The following C18orf63 variants were observed in gnomAD, a reference collection of about 807,000 sequenced individuals.
The protein encoded by C18orf63 is uncharacterized protein C18orf63.
A neutral mutation model predicts 75.3 loss-of-function variants in C18orf63; 50 were observed. The observed-to-expected ratio is 0.66, with a 90% CI of 0.53 to 0.84. C18orf63 has a LOEUF of 0.84. C18orf63 is among the 40% of genes least tolerant of loss of function. C18orf63 has a pLI of 0.00. For missense variants in C18orf63, 732 were observed against 800.2 expected (o/e 0.91, Z 1.03); for synonymous variants, 232 against 267.6 (o/e 0.87, Z 1.30).
chr18:74,354,666 A>G (rs1284247242), intron 13 of C18orf63, 120 bp downstream of exon 13: 2 of 585,552 alleles, frequency 3.4e-6, no homozygotes, highest in Non-Finnish European at 6.0e-6. Flanking sequence ...AAACCGTAAA[A>G]TCAGCAAAGA....
chr18:74,338,757 C>T lies in C18orf63; in HGVS notation c.544C>T (p.His182Tyr), dbSNP rs1053905256. ...EISQSIIKDF[H>Y]ANKHAVIERH... ...TTCCCAGAGTATTATAAAGGATTTT[C>T]ATGCTAACAAGCATGCTGTCATTGA... The change falls in exon 8 of 14, where the codon CAT (histidine) becomes TAT (tyrosine). Residue 182 changes from histidine (H) to tyrosine (Y), a missense_variant. His to Tyr is a moderately conservative substitution (Grantham distance 83). Coordinates refer to ENST00000579455, the MANE Select transcript of C18orf63 (RefSeq NM_001174123.2). 1.4e-6 allele frequency: 2 copies of T among 1,416,750 alleles called. No homozygotes were observed. Among genetic ancestry groups the T allele is most frequent in the Non-Finnish European group, 9.3e-7 (1 of 1,073,822 alleles). The allele number at this position is 1,416,750 out of a possible 1,614,324, so 87.8% of individuals were successfully genotyped here.
Position 74,354,003 on chromosome 18 carries a change from A to T in C18orf63, c.1736A>T (p.Gln579Leu). 1 of 1,536,512 alleles carries T rather than the reference A, an allele frequency of 6.5e-7. No homozygotes were observed. The highest frequency in any genetic ancestry group is 8.7e-7 in the Non-Finnish European group (1 of 1,146,978). ...KENLTGKGIT[Q>L]ILGKSHGSLK... is the part of the protein sequence containing the mutation. ...AATTTAACAGGCAAAGGTATAACACAAATTTTAGGGAAAAGCCATGGGTCA... is the reference window on the plus strand; with the variant it reads ...AATTTAACAGGCAAAGGTATAACACTAATTTTAGGGAAAAGCCATGGGTCA... The change falls in exon 12 of 14, where the codon CAA becomes CTA. Residue 579 changes from glutamine to leucine, a missense_variant. Physicochemically the swap from Gln to Leu is moderately radical, Grantham distance 113. Transcript: ENST00000579455.
intron 11 of C18orf63, among the ~76,000 whole-genome samples, chr18:74,345,421 G>A (rs1984558296): frequency 1.3e-5 from 2 of 151,724 alleles, no homozygotes; most frequent in Non-Finnish European, 2.9e-5. Flanking sequence ...CTTTATGGTT[G>A]CTACTTTTTG....
intron 4 of C18orf63, 56 bp downstream of exon 4, chr18:74,322,810 C>G (rs1984146556): frequency 3.3e-6 from 2 of 604,016 alleles, no homozygotes; most frequent in Non-Finnish European, 5.1e-6. Flanking sequence ...ATTATACGTT[C>G]CACTCCTTTT....
chr18:74,327,605 C>A (rs926684623), intron 4 of C18orf63, among the ~76,000 whole-genome samples: 4 of 152,252 alleles, frequency 2.6e-5, no homozygotes, highest in Admixed American at 2.6e-4. Flanking sequence ...AGAACGATTA[C>A]AAGTTTGTCC....
At chr18:74,331,203 G>A (rs190162187) in intron 7 of C18orf63, among the ~76,000 whole-genome samples, 3 of 152,098 alleles carry the variant, frequency 2.0e-5, no homozygotes, top group African/African-American at 7.2e-5. Flanking sequence ...GATGGTATCC[G>A]AGACTCTCCA....
In C18orf63 at chr18:74,356,992, A is replaced by C. The variant is rs990559497; in HGVS notation, c.*545A>C. On this transcript the variant is annotated 3_prime_UTR_variant, in exon 14 of 14. Transcript: ENST00000579455. ...CCAAAGTGTATATATTTCTAACATA[A>C]GATATAGTATATTTTTTAAGAAAAA... 6.6e-6 allele frequency: 1 copy of C among 152,178 alleles called. No homozygotes were observed. The highest frequency in any genetic ancestry group is 1.5e-5 in the Non-Finnish European group (1 of 68,036). The allele number at this position is 152,178 out of a possible 1,614,324, so 9.4% of individuals were successfully genotyped here.
chr18:74,345,049 C>T (rs1039663331), intron 11 of C18orf63, among the ~76,000 whole-genome samples: 2 of 152,040 alleles, frequency 1.3e-5, no homozygotes, highest in African/African-American at 4.8e-5. Context: ...CATCCTTGCC[C>T]ATTTTTGGTA....
chr18:74,349,091 T>G (rs955578675), intron 11 of C18orf63, among the ~76,000 whole-genome samples: 2 of 152,214 alleles, frequency 1.3e-5, no homozygotes, highest in African/African-American at 4.8e-5. Flanking sequence ...TTATCTCAAG[T>G]AGTAGATATG....
intron 8 of C18orf63, 100 bp downstream of exon 8, chr18:74,338,924 T>C (rs1004802447): frequency 2.4e-6 from 1 of 419,830 alleles, no homozygotes; most frequent in East Asian, 3.6e-5. Context: ...ATAAACTATT[T>C]TGGTGAATTT....
chr18:74,336,992 C>T (rs1053277514), intron 7 of C18orf63, among the ~76,000 whole-genome samples: 2 of 152,012 alleles, frequency 1.3e-5, no homozygotes, highest in African/African-American at 4.8e-5. Context: ...TTAAACCAGT[C>T]TCCATATGGG....
intron 10 of C18orf63, 33 bp from the exon 11 acceptor site, chr18:74,343,486 T>C: frequency 7.1e-7 from 1 of 1,412,948 alleles, no homozygotes; most frequent in Non-Finnish European, 9.3e-7. Flanking sequence ...TCTTATGTAA[T>C]AAAATCAGAC....
At position 74,341,270 on chromosome 18, in the gene C18orf63, C is replaced by CAAA. The variant is rs58362707; in HGVS notation, c.612-731_612-729dup. On this transcript the variant is annotated intron_variant, in intron 8 of 13. Transcript: ENST00000579455. ...TGGGCGACAGAGCGAGACTCCGTCT[C>CAAA]AAAAAAAAAAAAAAAAAAAAAAAAA... Among the ~76,000 whole-genome samples, 518 of 59,024 alleles carry CAAA rather than the reference C, an allele frequency of 8.8e-3. 77 individuals carry two copies. The highest frequency in any genetic ancestry group is 0.011 in the Non-Finnish European group (406 of 35,504). The allele number at this position is 59,024 out of a possible 152,430, so 38.7% of individuals were successfully genotyped here. A position where few individuals can be genotyped will look rare whatever the true frequency, so the allele number is the denominator to read the frequency against.
rs1487187524 is a variant in C18orf63 at position 74,354,075 on chromosome 18, C to T, written c.1808C>T (p.Thr603Ile). 6.5e-7 allele frequency: 1 copy of T among 1,536,152 alleles called. No homozygotes were observed. The highest frequency in any genetic ancestry group is 8.7e-7 in the Non-Finnish European group (1 of 1,146,896). The stretch of plus-strand genomic sequence containing the variant: ...CACATTTTTGAATCAGATGGAGAAA[C>T]CGAAGATCCACGACTGCTACAGCAG... The part of the protein sequence containing the change: ...QPHIFESDGE[T>I]EDPRLLQQQS... The change falls in exon 12 of 14, where the codon ACC (threonine) becomes ATC (isoleucine). Residue 603 changes from threonine to isoleucine, a missense_variant. Physicochemically the swap from Thr to Ile is moderately conservative, Grantham distance 89. Transcript: ENST00000579455.
intron 5 of C18orf63, 145 bp downstream of exon 5, chr18:74,328,203 A>C (rs1984241511): frequency 1.7e-6 from 1 of 584,082 alleles, no homozygotes; most frequent in Admixed American, 2.9e-5. Context: ...TCACAGTTCC[A>C]CATGGCTGGA....
Position 74,343,705 on chromosome 18 carries a change from A to C in C18orf63, c.978+3A>C. 1 of 1,495,148 alleles carries C rather than the reference A, an allele frequency of 6.7e-7. No homozygotes were observed. The highest frequency in any genetic ancestry group is 8.9e-7 in the Non-Finnish European group (1 of 1,123,860). 92.6% of individuals were successfully genotyped at this position (1,495,148 alleles called of 1,614,324 possible). A position where few individuals can be genotyped will look rare whatever the true frequency, so the allele number is the denominator to read the frequency against. On this transcript the variant is annotated splice_donor_region_variant and intron_variant, in intron 11 of 13. Transcript: ENST00000579455. Reference sequence around the variant, plus strand: ...AACTAACTAAACCTAATATACAGGTAAGAGATCTCTTGTCCTATCTAGTTC... The same window carrying C: ...AACTAACTAAACCTAATATACAGGTCAGAGATCTCTTGTCCTATCTAGTTC...
intron 3 of C18orf63, 50 bp downstream of exon 3, chr18:74,320,641 T>C: frequency 1.8e-6 from 2 of 1,086,610 alleles, no homozygotes; most frequent in East Asian, 2.6e-5. Flanking sequence ...GAGAACAATA[T>C]TGATAAATAA....
intron 8 of C18orf63, among the ~76,000 whole-genome samples, chr18:74,340,742 A>G (rs1408753595): frequency 6.6e-6 from 1 of 151,934 alleles, no homozygotes; most frequent in Non-Finnish European, 1.5e-5. Flanking sequence ...TAAATGAAAT[A>G]AGCCAGGCAC....
chr18:74,330,291 C>A (rs1204884502), intron 6 of C18orf63, among the ~76,000 whole-genome samples: 1 of 152,164 alleles, frequency 6.6e-6, no homozygotes, highest in Non-Finnish European at 1.5e-5. Flanking sequence ...CAAGAAACAA[C>A]ATTAAGAGCA....
Sources: gnomAD v4.1 joint callset for allele counts (sites outside exome capture counted in the v4.1 genomes callset) on GRCh38, gnomAD v4.1.1 for gene constraint, MANE v1.5 for transcripts, NCBI Gene and HGNC (gene_info 2026-07-23, HGNC 2026-07-21) for gene names.